Variants in ATL2 observed in about 807,000 individuals in gnomAD.
ATL2 encodes the protein atlastin GTPase 2, also known as atlastin-2.
A neutral mutation model predicts 73.9 loss-of-function variants in ATL2; 31 were observed. The observed-to-expected ratio is 0.42, with a 90% CI of 0.32 to 0.57. The LOEUF is 0.57. Ranked by LOEUF, ATL2 falls within the 20% of genes least tolerant of loss-of-function variation. ATL2 has a pLI of 0.14. For missense variants in ATL2, 738 were observed against 702.6 expected (o/e 1.05, Z -0.57); for synonymous variants, 291 against 237.5 (o/e 1.23, Z -2.07).
intron 12 of ATL2, 25 bp downstream of exon 12, chr2:38,298,118 TA>T: frequency 2.5e-6 from 4 of 1,570,254 alleles, no homozygotes; most frequent in Non-Finnish European, 3.5e-6. Flanking sequence ...GATTAGTCAC[TA>T]AAAAACCAAA....
chr2:38,298,198 C>A lies in ATL2; in HGVS notation c.1578G>T (p.Glu526Asp). 6.2e-7 allele frequency: 1 copy of A among 1,613,928 alleles called. No individual in the cohort carries two copies. Among genetic ancestry groups the A allele is most frequent in the Non-Finnish European group, 8.5e-7 (1 of 1,179,894 alleles). The change falls in exon 12 of 13, where the codon GAG becomes GAT. Residue 526 changes from glutamate to aspartate, a missense_variant. Glu to Asp is a conservative substitution (Grantham distance 45). Coordinates refer to ENST00000378954, the MANE Select transcript of ATL2 (RefSeq NM_001135673.4). ...CTWAYVKYSG[E>D]FREIGTVIDQ... ...CAATCACTGTTCCAATTTCTCTGAA[C>A]TCCCCAGAGTATTTAACATATGCCC...
At chr2:38,349,595 C>T (rs1268447099) in intron 1 of ATL2, among the ~76,000 whole-genome samples, 7 of 151,198 alleles carry the variant, frequency 4.6e-5, no homozygotes, top group African/African-American at 1.5e-4. Flanking sequence ...ATGGGTGCAG[C>T]ACACCAGCAT....
At chr2:38,331,272 C>A (rs1371193884) in intron 2 of ATL2, among the ~76,000 whole-genome samples, 1 of 151,740 alleles carries the variant, frequency 6.6e-6, no homozygotes, top group African/African-American at 2.4e-5. Context: ...TCGATCTCTA[C>A]TAAAAATACA....
intron 2 of ATL2, among the ~76,000 whole-genome samples, chr2:38,321,176 A>G (rs1198323350): frequency 2.6e-5 from 4 of 152,106 alleles, no homozygotes; most frequent in African/African-American, 4.8e-5. Context: ...GTCTCAAACA[A>G]AACAAAACAA....
At chr2:38,338,351 C>T (rs1669494760) in intron 2 of ATL2, among the ~76,000 whole-genome samples, 2 of 150,524 alleles carry the variant, frequency 1.3e-5, no homozygotes, top group South Asian at 4.2e-4. Flanking sequence ...CTATTGGTTA[C>T]TACGCTCAAT....
chr2:38,344,092 G>C (rs1049947206), intron 1 of ATL2, among the ~76,000 whole-genome samples: 4 of 151,940 alleles, frequency 2.6e-5, no homozygotes, highest in Non-Finnish European at 5.9e-5. Context: ...ACTAAATATG[G>C]CCTCTATCTC....
At chr2:38,321,807 G>A (rs115880689) in intron 2 of ATL2, among the ~76,000 whole-genome samples, 1,865 of 152,042 alleles carry the variant, frequency 0.012, 22 homozygotes, top group Admixed American at 0.019. Context: ...CATCCTCCCG[G>A]ACTCAAAGGA....
intron 7 of ATL2, among the ~76,000 whole-genome samples, chr2:38,311,484 A>G (rs1396361788): frequency 1.3e-5 from 2 of 152,180 alleles, no homozygotes; most frequent in East Asian, 1.9e-4. Context: ...GCAGAATGGA[A>G]AAACTGTTGT....
Position 38,351,866 on chromosome 2 carries a change from C to T in ATL2, c.119-8354G>A, listed in dbSNP as rs1670366899. 2.0e-5 allele frequency among the ~76,000 whole-genome samples: 3 copies of T among 151,780 alleles called. No homozygotes were observed. In the South Asian group the frequency reaches 6.2e-4, roughly 31 times the overall value. ...GTGGCTCACGTCTGTAATCCCAGCACTCTGGGAGGCCGAGGAAGTCAGATC... is the reference window on the plus strand; with the variant it reads ...GTGGCTCACGTCTGTAATCCCAGCATTCTGGGAGGCCGAGGAAGTCAGATC... On this transcript the variant is annotated intron_variant, in intron 1 of 12. Transcript: ENST00000378954.
intron 1 of ATL2, among the ~76,000 whole-genome samples, chr2:38,361,446 A>G (rs1671012443): frequency 6.6e-6 from 1 of 152,138 alleles, no homozygotes; most frequent in Admixed American, 6.6e-5. Context: ...ACAATACTGT[A>G]TATTATTTAT....
chr2:38,318,216 G>A (rs6544154), intron 4 of ATL2: 15,103 of 200,188 alleles, frequency 0.075, 2,357 homozygotes, highest in African/African-American at 0.32. Flanking sequence ...AGTGGCTCAC[G>A]CCTGTAATCC....
intron 2 of ATL2, among the ~76,000 whole-genome samples, chr2:38,339,845 C>T (rs955056240): frequency 2.0e-5 from 3 of 151,990 alleles, no homozygotes; most frequent in East Asian, 1.9e-4. Flanking sequence ...TGCATGCCAC[C>T]GCGCCCAGCT....
At chr2:38,297,238 C>T (rs538136016) in intron 12 of ATL2, among the ~76,000 whole-genome samples, 10 of 152,292 alleles carry the variant, frequency 6.6e-5, no homozygotes, top group South Asian at 2.1e-4. Context: ...TCTGCTTCTT[C>T]GGTCTTCAAG....
chr2:38,352,133 C>CAAAAAAAAAAAAAA (rs778821586), intron 1 of ATL2, among the ~76,000 whole-genome samples: 2 of 31,964 alleles, frequency 6.3e-5, no homozygotes, highest in Non-Finnish European at 1.6e-4. Context: ...AAACAACAAC[C>CAAAAAAAAAAAAAA]AAAAAAAAAA....
chr2:38,296,135 A>C, intron 12 of ATL2, 22 bp from the exon 13 acceptor site: 1 of 1,527,564 alleles, frequency 6.5e-7, no homozygotes. Context: ...GAAATGTGCA[A>C]AACAAACAAA....
chr2:38,343,628 G>T, intron 1 of ATL2, 116 bp from the exon 2 acceptor site: 2 of 873,540 alleles, frequency 2.3e-6, no homozygotes, highest in Non-Finnish European at 3.6e-6. Context: ...CCCCATTATA[G>T]ATCATTATAA....
intron 2 of ATL2, among the ~76,000 whole-genome samples, chr2:38,329,423 CAAAAAAAAAAAA>C (rs70954711): frequency 1.2e-3 from 17 of 13,674 alleles, no homozygotes; most frequent in East Asian, 2.2e-3. Context: ...ACTCCATCTC[CAAAAAAAAAAAA>C]AAAAAAAAAA....
rs1666819087 is a variant in ATL2 at position 38,295,013 on chromosome 2, T to TG, written c.*980dup. 1 of 80,388 alleles carries TG rather than the reference T, an allele frequency of 1.2e-5. No homozygotes were observed. Among genetic ancestry groups the TG allele is most frequent in the African/African-American group, 4.3e-5 (1 of 23,348 alleles). 5.0% of individuals were successfully genotyped at this position (80,388 alleles called of 1,614,324 possible). A position where few individuals can be genotyped will look rare whatever the true frequency, so the allele number is the denominator to read the frequency against. ...ATTCCCTTGGTGGGCGGGGGGGGGG[T>TG]GAGATTGCAGTGCTCAAGATAAATA... On this transcript the variant is annotated 3_prime_UTR_variant, in exon 13 of 13. Transcript: ENST00000378954.
chr2:38,296,568 A>G (rs745520988), intron 12 of ATL2: 1 of 1,614,066 alleles, frequency 6.2e-7, no homozygotes, highest in East Asian at 2.2e-5. Context: ...ACGTCTAGTA[A>G]CTTCAAACAG....
Sources: gnomAD v4.1 joint callset for allele counts (sites outside exome capture counted in the v4.1 genomes callset) on GRCh38, gnomAD v4.1.1 for gene constraint, MANE v1.5 for transcripts, NCBI Gene and HGNC (gene_info 2026-07-23, HGNC 2026-07-21) for gene names.